Variants in MYLK observed in about 807,000 individuals in gnomAD.
MYLK encodes the protein myosin light chain kinase, smooth muscle.
A neutral mutation model predicts 203.4 loss-of-function variants in MYLK; 106 were observed. The observed-to-expected ratio is 0.52, with a 90% CI of 0.45 to 0.61. The LOEUF is 0.61. MYLK is among the 20% of genes least tolerant of loss of function. The pLI, the probability that MYLK is intolerant of heterozygous loss-of-function variation, is 0.00. For synonymous variants in MYLK, 867 were observed against 959.5 expected (o/e 0.90, Z 1.78); for missense variants, 2,072 against 2,442.3 (o/e 0.85, Z 3.20).
intron 20 of MYLK, among the ~76,000 whole-genome samples, chr3:123,677,902 TATATATATATATATATAC>T (rs1165162393): frequency 2.2e-5 from 2 of 91,248 alleles, no homozygotes; most frequent in African/African-American, 9.4e-5. Flanking sequence ...TATATATATA[TATATATATATATATATAC>T]ACACACACAC....
At position 123,648,579 on chromosome 3, in the gene MYLK, T is replaced by C. The variant is rs993992109; in HGVS notation, c.4415+392A>G. On this transcript the variant is annotated intron_variant, in intron 26 of 33. Coordinates refer to ENST00000360304, the MANE Select transcript of MYLK (RefSeq NM_053025.4). The surrounding 1 kb of genome is among the most constrained non-coding windows in gnomAD (Gnocchi z 4.5). ...GTTTGCTGCACCTAACACCCCACCA[T>C]CTAGGTATTAAGCTCAGCATGCATT... Among the ~76,000 whole-genome samples the C allele has an allele frequency of 3.3e-5, 5 of 152,194 alleles. No homozygotes were observed. Among genetic ancestry groups the C allele is most frequent in the African/African-American group, 1.2e-4 (5 of 41,438 alleles).
chr3:123,737,196 G>A, intron 8 of MYLK, 182 bp downstream of exon 8: 2 of 658,188 alleles, frequency 3.0e-6, no homozygotes, highest in Admixed American at 5.7e-5. Context: ...TCCAGCATGG[G>A]CGACAGAGCA....
At chr3:123,845,394 C>T (rs553698248) in intron 2 of MYLK, among the ~76,000 whole-genome samples, 10 of 152,298 alleles carry the variant, frequency 6.6e-5, no homozygotes, top group South Asian at 6.2e-4. Context: ...AAATATTTAC[C>T]GCAAGGACAT....
intron 2 of MYLK, among the ~76,000 whole-genome samples, chr3:123,869,912 G>A (rs2032638505): frequency 1.3e-5 from 2 of 149,622 alleles, no homozygotes; most frequent in Admixed American, 6.6e-5. Flanking sequence ...GGCTAAGATG[G>A]ACGATGAAAT....
intron 16 of MYLK, among the ~76,000 whole-genome samples, chr3:123,704,048 G>A (rs1333671098): frequency 9.9e-5 from 15 of 152,226 alleles, no homozygotes; most frequent in Admixed American, 8.5e-4. Flanking sequence ...TGTGCTCAAG[G>A]TGGGGAGCAC....
chr3:123,634,729 G>A (rs925223800), intron 29 of MYLK, among the ~76,000 whole-genome samples: 1 of 152,182 alleles, frequency 6.6e-6, no homozygotes, highest in African/African-American at 2.4e-5. Context: ...AAGAGCTGTT[G>A]TGGCCTCCCC....
chr3:123,737,823 T>C (rs900602785), intron 7 of MYLK, among the ~76,000 whole-genome samples: 5 of 152,198 alleles, frequency 3.3e-5, no homozygotes, highest in Non-Finnish European at 5.9e-5. Context: ...CCCATATTCC[T>C]CACTTCAGTT....
chr3:123,764,726 G>C (rs2063647569), intron 4 of MYLK, among the ~76,000 whole-genome samples: 1 of 152,150 alleles, frequency 6.6e-6, no homozygotes, highest in African/African-American at 2.4e-5. Flanking sequence ...AGGGGTCTGG[G>C]GCATGGACTA....
At chr3:123,856,074 G>C (rs1379469807) in intron 2 of MYLK, among the ~76,000 whole-genome samples, 1 of 152,112 alleles carries the variant, frequency 6.6e-6, no homozygotes, top group Non-Finnish European at 1.5e-5. Flanking sequence ...TGGTACACTG[G>C]GGCCTGGGCA....
chr3:123,810,580 G>A (rs941541771), intron 3 of MYLK, among the ~76,000 whole-genome samples: 5 of 152,230 alleles, frequency 3.3e-5, no homozygotes, highest in African/African-American at 1.2e-4. Context: ...TGCCAATGGG[G>A]ATGCCAGTCA....
At chr3:123,696,382 G>A (rs569551744) in intron 18 of MYLK, among the ~76,000 whole-genome samples, 2 of 152,118 alleles carry the variant, frequency 1.3e-5, no homozygotes, top group East Asian at 3.9e-4. Context: ...TCAGTGCAGT[G>A]GAGCAAAAAG....
intron 13 of MYLK, among the ~76,000 whole-genome samples, chr3:123,711,600 G>T (rs866804586): frequency 5.3e-5 from 8 of 152,224 alleles, no homozygotes; most frequent in Admixed American, 3.3e-4. Flanking sequence ...CCTGGTGCAG[G>T]ACAAGCCATG....
At chr3:123,794,801 G>T (rs1488703263) in intron 3 of MYLK, among the ~76,000 whole-genome samples, 2 of 152,146 alleles carry the variant, frequency 1.3e-5, no homozygotes, top group African/African-American at 4.8e-5. Context: ...TTACCAATAT[G>T]TAAAAATAAT....
chr3:123,740,842 G>A (rs1179953591), intron 5 of MYLK, among the ~76,000 whole-genome samples: 1 of 152,256 alleles, frequency 6.6e-6, no homozygotes, highest in Non-Finnish European at 1.5e-5. Flanking sequence ...TCCTGGGTGA[G>A]CTGTTGCCGT....
rs756604154 is a variant in MYLK, at chr3:123,618,769, T to C, written c.5370A>G (p.Glu1790=). 1 of 1,614,040 alleles carries C rather than the reference T, an allele frequency of 6.2e-7. No individual in the cohort carries two copies. The highest frequency in any genetic ancestry group is 1.7e-5 in the Admixed American group (1 of 60,030). The change falls in exon 33 of 34, where the codon GAA becomes GAG. Residue 1790 remains glutamate (E), a splice_region_variant and synonymous_variant. Transcript: ENST00000360304. ...CCTCAAGGAAAGCTTGGGACACATC[T>C]TCTAGAAGACAGAGAAGAAGACCAG... ...PLNAEKLESE[E]DVSQAFLEAV...
In MYLK at chr3:123,877,741, C is replaced by T. The variant is rs374101409; in HGVS notation, c.-185-1124G>A. On this transcript the variant is annotated intron_variant, in intron 1 of 33. Coordinates refer to ENST00000360304, the MANE Select transcript of MYLK (RefSeq NM_053025.4). ...CCTGCTGCTTCCTCATGAACATACT[C>T]GTTTCCACAAGATCAGCAACCAAGT... Among the ~76,000 whole-genome samples the T allele has an allele frequency of 3.0e-4, 45 of 152,322 alleles. 2 individuals carry two copies. In the South Asian group the frequency reaches 9.1e-3, roughly 31 times the overall value.
intron 23 of MYLK, among the ~76,000 whole-genome samples, chr3:123,661,521 C>A (rs1456701770): frequency 2.0e-5 from 3 of 152,172 alleles, no homozygotes; most frequent in Non-Finnish European, 2.9e-5. Context: ...AAGGGTTGTT[C>A]TTCTCCTTTA....
chr3:123,796,512 T>C (rs917270169), intron 3 of MYLK, among the ~76,000 whole-genome samples: 1 of 152,224 alleles, frequency 6.6e-6, no homozygotes, highest in Non-Finnish European at 1.5e-5. Flanking sequence ...TCTGTAATAC[T>C]ATCAACAACA....
intron 10 of MYLK, 142 bp downstream of exon 10, chr3:123,733,545 C>G: frequency 2.0e-6 from 2 of 1,008,968 alleles, no homozygotes; most frequent in Non-Finnish European, 3.1e-6. Context: ...GGGGAAGGCC[C>G]TTGTAAGGTG....
Sources: gnomAD v4.1 joint callset for allele counts (sites outside exome capture counted in the v4.1 genomes callset) on GRCh38, gnomAD v4.1.1 for gene constraint, Gnocchi (gnomAD v3.1) non-coding constraint, MANE v1.5 for transcripts, NCBI Gene and HGNC (gene_info 2026-07-23, HGNC 2026-07-21) for gene names.